Variants in CD276 observed in about 807,000 individuals in gnomAD.
The protein encoded by CD276 is CD276 molecule.
A neutral mutation model predicts 50.0 loss-of-function variants in CD276; 34 were observed. That is an observed-to-expected ratio of 0.68 (90% CI 0.52 to 0.91). CD276 has a LOEUF of 0.91. CD276 is among the 40% of genes least tolerant of loss of function. The pLI, the probability that CD276 is intolerant of heterozygous loss-of-function variation, is 0.00. For missense variants in CD276, 634 were observed against 717.5 expected (o/e 0.88, Z 1.33); for synonymous variants, 275 against 313.0 (o/e 0.88, Z 1.28).
chr15:73,710,871 G>T (rs1427443048), intron 8 of CD276, among the ~76,000 whole-genome samples: 1 of 152,184 alleles, frequency 6.6e-6, no homozygotes, highest in Non-Finnish European at 1.5e-5. Flanking sequence ...CCAGCTGGAG[G>T]TGGAGGGCTC....
chr15:73,712,316 G>T (rs534487866), intron 9 of CD276, among the ~76,000 whole-genome samples: 1 of 152,204 alleles, frequency 6.6e-6, no homozygotes, highest in Admixed American at 6.5e-5. Context: ...GTGCCCAGAT[G>T]GGGGAGCTCT....
In CD276 at chr15:73,703,737, C is replaced by T. The variant is rs760558160; in HGVS notation, c.812C>T (p.Ser271Phe). ...GTDATLRCSF[S>F]PEPGFSLAQL... Reference sequence around the variant, plus strand: ...GATGCCACCCTGCGCTGCTCCTTCTCCCCCGAGCCTGGCTTCAGCCTGGCA... The same window carrying T: ...GATGCCACCCTGCGCTGCTCCTTCTTCCCCGAGCCTGGCTTCAGCCTGGCA... Residue 271 changes from serine to phenylalanine, a missense_variant, in exon 5 of 10, where the codon TCC (serine) becomes TTC (phenylalanine). Physicochemically the swap from Ser to Phe is radical, Grantham distance 155. Transcript: ENST00000318443. 4.4e-5 allele frequency: 71 copies of T among 1,613,376 alleles called. No individual in the cohort carries two copies. Among genetic ancestry groups the T allele is most frequent in the Admixed American group, 1.0e-4 (6 of 59,992 alleles).
intron 1 of CD276, chr15:73,690,910 A>G: frequency 2.5e-6 from 1 of 395,412 alleles, no homozygotes; most frequent in Non-Finnish European, 5.1e-6. Context: ...AGGAGCTGCG[A>G]TCTTATCACA....
At position 73,704,347 on chromosome 15, in the gene CD276, A is replaced by G; in HGVS notation, c.1244A>G (p.Asn415Ser). ...TGNVTTSQMA[N>S]EQGLFDVHSV... ...AACGTGACCACGTCGCAGATGGCCA[A>G]CGAGCAGGGCTTGTTTGATGTGCAC... Residue 415 changes from asparagine (N) to serine (S), a missense_variant, in exon 6 of 10, where the codon AAC (asparagine) becomes AGC (serine). Physicochemically the swap from Asn to Ser is conservative, Grantham distance 46. Coordinates refer to ENST00000318443, the MANE Select transcript of CD276 (RefSeq NM_001024736.2). This position sits in a 1 kb window ranked among gnomAD's most constrained non-coding sequence, Gnocchi z 4.1. 1 of 1,614,006 alleles carries G rather than the reference A, an allele frequency of 6.2e-7. No homozygotes were observed. The highest frequency in any genetic ancestry group is 1.1e-5 in the South Asian group (1 of 91,078).
intron 1 of CD276, among the ~76,000 whole-genome samples, chr15:73,698,749 A>T (rs998402435): frequency 7.3e-6 from 1 of 137,236 alleles, no homozygotes; most frequent in Non-Finnish European, 1.5e-5. Flanking sequence ...TTTAGTAGAG[A>T]TGGGGTTTCA....
At chr15:73,695,990 G>C (rs556498880) in intron 1 of CD276, among the ~76,000 whole-genome samples, 6 of 152,362 alleles carry the variant, frequency 3.9e-5, no homozygotes, top group Admixed American at 6.5e-5. Context: ...GTCTGGATTT[G>C]TTGTAGCTTT....
Position 73,708,490 on chromosome 15 carries a change from G to A in CD276, c.1504+17G>A, listed in dbSNP as rs1191638565. 1 of 1,609,892 alleles carries A rather than the reference G, an allele frequency of 6.2e-7. No individual in the cohort carries two copies. Among genetic ancestry groups the A allele is most frequent in the Non-Finnish European group, 8.5e-7 (1 of 1,178,006 alleles). On this transcript the variant is annotated intron_variant, in intron 7 of 9. Coordinates refer to ENST00000318443, the MANE Select transcript of CD276 (RefSeq NM_001024736.2). ...AGAATGCAGGTGAGTGTGTGTGTATGTGTGTGCGTGCGCATGCACACTTAT... is the reference window on the plus strand; with the variant it reads ...AGAATGCAGGTGAGTGTGTGTGTATATGTGTGCGTGCGCATGCACACTTAT...
rs1450456934 is a variant in CD276, at chr15:73,687,993, G to A, written c.-55+3533G>A. On this transcript the variant is annotated intron_variant, in intron 1 of 9. Transcript: ENST00000318443. This position sits in a 1 kb window ranked among gnomAD's most constrained non-coding sequence, Gnocchi z 4.0. The stretch of plus-strand genomic sequence containing the variant: ...GTGCTAGGGGCTATGGCAGCAGGAC[G>A]GTAGGAGCTCATGGTACTTGGAACT... 6.6e-6 allele frequency among the ~76,000 whole-genome samples: 1 copy of A among 152,144 alleles called. No individual in the cohort carries two copies. The highest frequency in any genetic ancestry group is 1.5e-5 in the Non-Finnish European group (1 of 68,024).
At position 73,704,641 on chromosome 15, in the gene CD276, A is replaced by G. The variant is rs1222544018; in HGVS notation, c.1369+169A>G. ...ACAAGTCCTTAAGGGACTCGAGCTG[A>G]TAAGAACCATTTATAATGTTTGCCT... On this transcript the variant is annotated intron_variant, in intron 6 of 9. Coordinates refer to ENST00000318443, the MANE Select transcript of CD276 (RefSeq NM_001024736.2). The surrounding 1 kb of genome is among the most constrained non-coding windows in gnomAD (Gnocchi z 4.1). Among the ~76,000 whole-genome samples the G allele has an allele frequency of 6.6e-6, 1 of 152,214 alleles. No individual in the cohort carries two copies. The highest frequency in any genetic ancestry group is 1.9e-4 in the East Asian group (1 of 5,192).
intron 8 of CD276, 54 bp from the exon 9 acceptor site, chr15:73,711,081 C>A: frequency 6.2e-7 from 1 of 1,603,136 alleles, no homozygotes; most frequent in Non-Finnish European, 8.5e-7. Flanking sequence ...GACTCCCTAC[C>A]CCACCACTTC....
intron 9 of CD276, chr15:73,711,759 A>G (rs1900911566): frequency 6.5e-6 from 1 of 153,704 alleles, no homozygotes; most frequent in Non-Finnish European, 1.5e-5. Flanking sequence ...GCCTATTGTT[A>G]TAATGTCAGT....
Position 73,702,828 on chromosome 15 carries a change from G to A in CD276, c.475G>A (p.Asp159Asn), listed in dbSNP as rs778585812. 89 of 1,614,008 alleles carry A rather than the reference G, an allele frequency of 5.5e-5. No homozygotes were observed. In the Admixed American group the frequency reaches 1.3e-3, roughly 24 times the overall value. Residue 159 changes from aspartate to asparagine, a missense_variant, in exon 4 of 10, where the codon GAC becomes AAC. By Grantham distance (23) the Asp-to-Asn change is conservative. Coordinates refer to ENST00000318443, the MANE Select transcript of CD276 (RefSeq NM_001024736.2). ...LEPNKDLRPG[D>N]TVTITCSSYQ... ...GCCCAACAAGGACCTGCGGCCAGGG[G>A]ACACGGTGACCATCACGTGCTCCAG...
intron 9 of CD276, chr15:73,711,613 A>G (rs1900903629): frequency 5.8e-6 from 1 of 173,572 alleles, no homozygotes; most frequent in Non-Finnish European, 1.2e-5. Context: ...AGCCTGCATC[A>G]CTTCCGCTTA....
rs150967592 is a variant in CD276 at position 73,710,665 on chromosome 15, C to G, written c.1547-470C>G. On this transcript the variant is annotated intron_variant, in intron 8 of 9. Coordinates refer to ENST00000318443, the MANE Select transcript of CD276 (RefSeq NM_001024736.2). ...CAGCGTGGCAGGCGTAGAGACAGCT[C>G]TGGGATCAGACCTCATTCTTCATGC... 8.9e-4 allele frequency among the ~76,000 whole-genome samples: 135 copies of G among 152,340 alleles called. 1 individual carries two copies. The highest frequency in any genetic ancestry group is 1.1e-3 in the Non-Finnish European group (73 of 68,024).
Position 73,704,392 on chromosome 15 carries a change from T to C in CD276, c.1289T>C (p.Leu430Pro), listed in dbSNP as rs1299758628. The C allele has an allele frequency of 1.2e-6, 2 of 1,613,972 alleles. No homozygotes were observed. Among genetic ancestry groups the C allele is most frequent in the Non-Finnish European group, 1.7e-6 (2 of 1,180,052 alleles). ...GTGCACAGCGTCCTGCGGGTGGTGC[T>C]GGGTGCGAATGGCACCTACAGCTGC... ...FDVHSVLRVV[L>P]GANGTYSCLV... The change falls in exon 6 of 10, where the codon CTG (leucine) becomes CCG (proline). Residue 430 changes from leucine (L) to proline (P), a missense_variant. Transcript: ENST00000318443. This position sits in a 1 kb window ranked among gnomAD's most constrained non-coding sequence, Gnocchi z 4.1.
At chr15:73,708,250 G>A in intron 6 of CD276, 89 bp from the exon 7 acceptor site, 1 of 1,435,444 alleles carries the variant, frequency 7.0e-7, no homozygotes, top group Non-Finnish European at 9.6e-7. Context: ...GAGGGTGGGA[G>A]CCCCTGTTCA....
intron 6 of CD276, among the ~76,000 whole-genome samples, chr15:73,705,007 C>G (rs1900592331): frequency 6.6e-6 from 1 of 152,218 alleles, no homozygotes; most frequent in African/African-American, 2.4e-5. Context: ...TGGTCAAACA[C>G]CAGATAGAGG....
At chr15:73,709,010 C>T (rs1206949936) in intron 7 of CD276, among the ~76,000 whole-genome samples, 1 of 152,074 alleles carries the variant, frequency 6.6e-6, no homozygotes, top group Non-Finnish European at 1.5e-5. Context: ...GGTGGGTAAA[C>T]AGATGCATGA....
intron 8 of CD276, 46 bp from the exon 9 acceptor site, chr15:73,711,088 CT>C: frequency 6.2e-7 from 1 of 1,610,276 alleles, no homozygotes; most frequent in South Asian, 1.1e-5. Flanking sequence ...TACCCCACCA[CT>C]TCCCATGGTT....
Sources: allele counts gnomAD v4.1 joint callset (sites outside exome capture counted in the v4.1 genomes callset), GRCh38; gene constraint gnomAD v4.1.1; non-coding constraint Gnocchi (gnomAD v3.1); transcripts MANE v1.5; gene names NCBI Gene and HGNC (gene_info 2026-07-23, HGNC 2026-07-21).